Variants in PLXNA2 observed in about 807,000 individuals in gnomAD.
PLXNA2 encodes plexin-A2.
PLXNA2 carries 91 observed loss-of-function variants against 193.5 expected under a neutral mutation model. The observed-to-expected ratio is 0.47, with a 90% confidence interval of 0.40 to 0.56. The LOEUF (loss-of-function observed/expected upper bound fraction) is 0.56. Ranked by LOEUF, PLXNA2 falls within the 20% of genes least tolerant of loss-of-function variation. PLXNA2 has a pLI of 0.00. For synonymous variants in PLXNA2, 997 were observed against 1,027.3 expected, an observed-to-expected ratio of 0.97 and a Z score of 0.56; for missense variants, 1,995 against 2,503.2, an observed-to-expected ratio of 0.80 and a Z score of 4.33.
At chr1:208,132,687 C>T (rs1571952655) in intron 4 of PLXNA2, among the ~76,000 whole-genome samples, 2 of 152,068 alleles carry the variant, frequency 1.3e-5, no homozygotes, top group East Asian at 3.9e-4. Flanking sequence ...TGGCTGTTTG[C>T]AAAGCATGAC....
chr1:208,110,998 G>A (rs749012363), intron 4 of PLXNA2, among the ~76,000 whole-genome samples: 8 of 152,196 alleles, frequency 5.3e-5, no homozygotes, highest in South Asian at 4.1e-4. Context: ...GACAGCAAGA[G>A]AGGTGATACC....
intron 13 of PLXNA2, among the ~76,000 whole-genome samples, chr1:208,054,833 C>T (rs1230795864): frequency 6.6e-6 from 1 of 152,194 alleles, no homozygotes; most frequent in Non-Finnish European, 1.5e-5. Context: ...CCATGCCTAG[C>T]GCAGTGCCTG....
At position 208,038,176 on chromosome 1, in the gene PLXNA2, C is replaced by A. The variant is rs1391641537; in HGVS notation, c.4764+195G>T. ...TCTGTTTCTGAGGGTGGAGTTTGGTCACTCACGTTTTTTATCAGTTCCCTC... is the reference window on the plus strand; with the variant it reads ...TCTGTTTCTGAGGGTGGAGTTTGGTAACTCACGTTTTTTATCAGTTCCCTC... On this transcript the variant is annotated intron_variant, in intron 26 of 31. Transcript: ENST00000367033. This position sits in a 1 kb window ranked among gnomAD's most constrained non-coding sequence, Gnocchi z 4.1. Among the ~76,000 whole-genome samples, 3 of 152,152 alleles carry A rather than the reference C, an allele frequency of 2.0e-5. No individual in the cohort carries two copies. Among genetic ancestry groups the A allele is most frequent in the Non-Finnish European group, 4.4e-5 (3 of 68,030 alleles).
Position 208,055,429 on chromosome 1 carries a change from A to T in PLXNA2, c.2739-891T>A, listed in dbSNP as rs189773491. 3.4e-4 allele frequency among the ~76,000 whole-genome samples: 51 copies of T among 152,206 alleles called. No homozygotes were observed. The East Asian group carries it at 5.4e-3, about 16-fold the overall frequency. On this transcript the variant is annotated intron_variant, in intron 13 of 31. Transcript: ENST00000367033. ...GCTGAGGATGGGGAGAGATGAAGGC[A>T]TCAGGGACTTGGGGAAACTCTTGCC...
At chr1:208,158,848 G>A (rs531708706) in intron 3 of PLXNA2, among the ~76,000 whole-genome samples, 3 of 152,288 alleles carry the variant, frequency 2.0e-5, no homozygotes, top group South Asian at 4.1e-4. Flanking sequence ...TGACCCTGTC[G>A]GGTTCTCCAA....
chr1:208,206,474 T>G (rs1670726357), intron 3 of PLXNA2, among the ~76,000 whole-genome samples: 3 of 152,238 alleles, frequency 2.0e-5, no homozygotes, highest in Admixed American at 2.0e-4. Flanking sequence ...CCAAGTCTTC[T>G]GAGCTTCTCT....
rs185440130 is a variant in PLXNA2, at chr1:208,166,960, T to A, written c.1372-24497A>T. 3.9e-5 allele frequency among the ~76,000 whole-genome samples: 6 copies of A among 152,232 alleles called. No individual in the cohort carries two copies. In the East Asian group the frequency reaches 1.2e-3, roughly 29 times the overall value. ...GTGTTGCTGCAACTCCGCACCTGAG[T>A]CTGCACCTGGGGCTACTGAATGAGA... On this transcript the variant is annotated intron_variant, in intron 3 of 31. Transcript: ENST00000367033.
At chr1:208,182,256 A>G (rs1669867790) in intron 3 of PLXNA2, among the ~76,000 whole-genome samples, 1 of 152,070 alleles carries the variant, frequency 6.6e-6, no homozygotes, top group Non-Finnish European at 1.5e-5. Context: ...ACCATGGTGA[A>G]ACCCCATCTC....
At chr1:208,181,951 A>T (rs1182256130) in intron 3 of PLXNA2, among the ~76,000 whole-genome samples, 1 of 152,138 alleles carries the variant, frequency 6.6e-6, no homozygotes, top group Non-Finnish European at 1.5e-5. Flanking sequence ...TCTTTCTATT[A>T]TCTCATTTCA....
intron 1 of PLXNA2, among the ~76,000 whole-genome samples, chr1:208,233,982 A>C (rs1338947780): frequency 2.0e-5 from 3 of 152,098 alleles, no homozygotes; most frequent in Admixed American, 6.5e-5. Context: ...AGAAGAGGAG[A>C]GGTCAGTTCT....
chr1:208,148,801 C>T (rs1377235058), intron 3 of PLXNA2, among the ~76,000 whole-genome samples: 1 of 152,168 alleles, frequency 6.6e-6, no homozygotes, highest in Non-Finnish European at 1.5e-5. Flanking sequence ...CTCACCTGGC[C>T]TGAAGGAGGC....
intron 4 of PLXNA2, among the ~76,000 whole-genome samples, chr1:208,139,369 GC>G (rs1281205219): frequency 6.6e-6 from 1 of 152,118 alleles, no homozygotes; most frequent in African/African-American, 2.4e-5. Context: ...ATGTCCCCCT[GC>G]CCCCTCTTCA....
chr1:208,038,297 A>G lies in PLXNA2; in HGVS notation c.4764+74T>C. On this transcript the variant is annotated intron_variant, in intron 26 of 31. Coordinates refer to ENST00000367033, the MANE Select transcript of PLXNA2 (RefSeq NM_025179.4). The surrounding 1 kb of genome is among the most constrained non-coding windows in gnomAD (Gnocchi z 4.1). ...GAGGAAAATCCTTTTTAGACTTTTG[A>G]GGCCTTAGAGCAAGGCTTAGCGGGA... 2.0e-6 allele frequency: 2 copies of G among 1,001,150 alleles called. No homozygotes were observed. The highest frequency in any genetic ancestry group is 1.3e-5 in the South Asian group (1 of 76,964). The allele number at this position is 1,001,150 out of a possible 1,614,324, so 62.0% of individuals were successfully genotyped here.
rs34389351 is a variant in PLXNA2, at chr1:208,221,995, TA to T, written c.-80-3994del. Among the ~76,000 whole-genome samples, 1,161 of 152,342 alleles carry T rather than the reference TA, an allele frequency of 7.6e-3. 14 individuals carry two copies. Among genetic ancestry groups the T allele is most frequent in the South Asian group, 0.024 (117 of 4,828 alleles). On this transcript the variant is annotated intron_variant, in intron 1 of 31. Coordinates refer to ENST00000367033, the MANE Select transcript of PLXNA2 (RefSeq NM_025179.4). ...TTACAATGAAATCAGTTAATACATATAAAAGCACTTAGAACAGTTCATGGCC... is the reference window on the plus strand; with the variant it reads ...TTACAATGAAATCAGTTAATACATATAAAGCACTTAGAACAGTTCATGGCC...
In PLXNA2 at chr1:208,054,452, A is replaced by T. The variant is rs138161636; in HGVS notation, c.2825T>A (p.Met942Lys). 3.1e-6 allele frequency: 5 copies of T among 1,614,082 alleles called. No individual in the cohort carries two copies. In the African/African-American group the frequency reaches 6.7e-5, roughly 22 times the overall value. The change falls in exon 14 of 32, where the codon ATG becomes AAG. Residue 942 changes from methionine (M) to lysine (K), a missense_variant. Physicochemically the swap from Met to Lys is moderately conservative, Grantham distance 95. Around this residue, in one of 3 missense-constraint regions of PLXNA2, gnomAD observed 1,291 missense variants for 1,673.6 expected, o/e 0.77. Transcript: ENST00000367033. ...LCIGECKPEF[M>K]TKSHQQYTFV... ...GGTGTACTGCTGATGGGACTTCGTC[A>T]TGAACTCTGGCTTACACTCGCCAAT...
chr1:208,051,198 G>C, intron 16 of PLXNA2, 58 bp downstream of exon 16: 1 of 1,592,994 alleles, frequency 6.3e-7, no homozygotes, highest in South Asian at 1.1e-5. Flanking sequence ...GCCAGACTTG[G>C]GCTGCAGGGA....
intron 3 of PLXNA2, among the ~76,000 whole-genome samples, chr1:208,152,085 T>C (rs599143): frequency 0.85 from 128,734 of 152,200 alleles, 54,794 homozygotes; most frequent in Non-Finnish European, 0.9. Flanking sequence ...TTCTTTTCTA[T>C]GGCCTGAGAT....
At chr1:208,139,273 G>A (rs1420115978) in intron 4 of PLXNA2, among the ~76,000 whole-genome samples, 1 of 152,102 alleles carries the variant, frequency 6.6e-6, no homozygotes, top group African/African-American at 2.4e-5. Flanking sequence ...GAGAAGTTGA[G>A]GGCCCAGGTT....
At chr1:208,084,703 G>T (rs139020306) in intron 9 of PLXNA2, 123 bp from the exon 10 acceptor site, 113 of 848,482 alleles carry the variant, frequency 1.3e-4, no homozygotes, top group African/African-American at 1.3e-3. Context: ...CTCATGTAAG[G>T]CCCGTGGAAT....
Sources: gnomAD v4.1 joint callset for allele counts (sites outside exome capture counted in the v4.1 genomes callset) on GRCh38, gnomAD v4.1.1 for gene constraint, gnomAD v4.1.1 regional missense constraint, Gnocchi (gnomAD v3.1) non-coding constraint, MANE v1.5 for transcripts, NCBI Gene and HGNC (gene_info 2026-07-23, HGNC 2026-07-21) for gene names.